The following ATR variants were observed in gnomAD, a reference collection of about 807,000 sequenced individuals.
ATR encodes ATR checkpoint kinase, also known as serine/threonine-protein kinase ATR.
In ATR, 142 loss-of-function variants were observed where a neutral mutation model predicts 305.3. The observed-to-expected ratio is 0.47, with a 90% CI of 0.41 to 0.53. The LOEUF is 0.53. ATR is among the 20% of genes least tolerant of loss of function. The pLI is 0.00. For synonymous variants in ATR, 1,050 were observed against 1,068.1 expected, an observed-to-expected ratio of 0.98 and a Z score of 0.33; for missense variants, 2,135 against 3,133.1, an observed-to-expected ratio of 0.68 and a Z score of 7.60.
intron 30 of ATR, among the ~76,000 whole-genome samples, chr3:142,501,113 T>C (rs1344392179): frequency 6.6e-6 from 1 of 152,172 alleles, no homozygotes; most frequent in Non-Finnish European, 1.5e-5. Context: ...ACATGCCCCA[T>C]CCATAATCAT....
Position 142,550,208 on chromosome 3 carries a change from T to C in ATR, c.2900A>G (p.Gln967Arg), listed in dbSNP as rs1216434682. The C allele has an allele frequency of 6.2e-7, 1 of 1,614,184 alleles. No homozygotes were observed. The highest frequency in any genetic ancestry group is 8.5e-7 in the Non-Finnish European group (1 of 1,180,016). Residue 967 changes from glutamine to arginine, a missense_variant, in exon 14 of 47, where the codon CAG becomes CGG. Gln to Arg is a conservative substitution (Grantham distance 43, BLOSUM62 1). This residue lies in a region of ATR where 530 missense variants were observed against 766.8 expected (regional missense o/e 0.69). Transcript: ENST00000350721. ...CAACGTATTTAAAGCCATTTCTCTC[T>C]GGTGAGCCACATCTTGTTTTCGCAC... Reference protein sequence around the residue: ...ADVRKQDVAHQREMALNTLSE... With the variant: ...ADVRKQDVAHRREMALNTLSE...
Position 142,547,925 on chromosome 3 carries a change from T to A in ATR, c.3172-15A>T, listed in dbSNP as rs141108601. ...TCTGTTTCATTCTAACCCAAAGACA[T>A]GTTAAAAAAAATTTTTTTCTTCATA... On this transcript the variant is annotated splice_polypyrimidine_tract_variant and intron_variant, in intron 15 of 46. Coordinates refer to ENST00000350721, the MANE Select transcript of ATR (RefSeq NM_001184.4). 603 of 1,613,294 alleles carry A rather than the reference T, an allele frequency of 3.7e-4. 3 individuals are homozygous for A. The African/African-American group carries it at 6.9e-3, about 18-fold the overall frequency.
chr3:142,511,578 C>T (rs1202446633), intron 27 of ATR, among the ~76,000 whole-genome samples: 2 of 151,934 alleles, frequency 1.3e-5, no homozygotes, highest in Non-Finnish European at 2.9e-5. Flanking sequence ...ACTGCTTGAA[C>T]CCAGGAGGTA....
intron 16 of ATR, among the ~76,000 whole-genome samples, chr3:142,545,223 T>A (rs2034221052): frequency 6.6e-6 from 1 of 152,086 alleles, no homozygotes; most frequent in Non-Finnish European, 1.5e-5. Context: ...AAATAAGTAG[T>A]AAGTATGTAA....
intron 1 of ATR, among the ~76,000 whole-genome samples, chr3:142,570,683 C>T (rs528974412): frequency 1.5e-4 from 23 of 152,186 alleles, no homozygotes; most frequent in Admixed American, 5.2e-4. Flanking sequence ...CCACCATGCC[C>T]GGCCCCCTCT....
intron 21 of ATR, among the ~76,000 whole-genome samples, chr3:142,525,437 AC>A (rs899211161): frequency 6.6e-6 from 1 of 152,150 alleles, no homozygotes; most frequent in Non-Finnish European, 1.5e-5. Flanking sequence ...TAAAAAAAAA[AC>A]AACTTTGGTG....
At position 142,561,275 on chromosome 3, in the gene ATR, G is replaced by A. The variant is rs2108485079; in HGVS notation, c.1317C>T (p.Asn439=). The A allele has an allele frequency of 6.2e-7, 1 of 1,613,980 alleles. No homozygotes were observed. Among genetic ancestry groups the A allele is most frequent in the Non-Finnish European group, 8.5e-7 (1 of 1,179,938 alleles). ...PKRRRLSSSL[N]PSKRAPKQTE... ...TCTGTTTTGGTGCTCTTTTAGAAGG[G>A]TTTAGAGACGAGCTGAGACGACGCC... is the stretch of plus-strand genomic sequence containing the variant. The change falls in exon 5 of 47, where the codon AAC becomes AAT. Residue 439 remains asparagine (N), a synonymous_variant. Transcript: ENST00000350721.
intron 24 of ATR, 69 bp downstream of exon 24, chr3:142,519,599 CA>C: frequency 6.5e-6 from 9 of 1,377,946 alleles, no homozygotes; most frequent in Admixed American, 1.8e-5. Context: ...TGCACCCGGC[CA>C]AAAAAATCGC....
chr3:142,503,950 C>T (rs2032106550), intron 29 of ATR, among the ~76,000 whole-genome samples: 1 of 152,130 alleles, frequency 6.6e-6, no homozygotes, highest in African/African-American at 2.4e-5. Flanking sequence ...AACATTCAAG[C>T]TCAAAGGTCC....
chr3:142,475,180 GT>G (rs1214993069), intron 36 of ATR, among the ~76,000 whole-genome samples: 1 of 152,178 alleles, frequency 6.6e-6, no homozygotes, highest in East Asian at 1.9e-4. Context: ...CATGTGCCAT[GT>G]TGGTGTGCTG....
rs1374321250 is a variant in ATR, at chr3:142,559,340, C to A, written c.1643G>T (p.Arg548Ile). ...TTTCTGAACAGATTCTAACAAACTTCTACAGCTCTTAAGCACTTTTGTGTA... is the reference window on the plus strand; with the variant it reads ...TTTCTGAACAGATTCTAACAAACTTATACAGCTCTTAAGCACTTTTGTGTA... Reference protein sequence around the residue: ...DFYTKVLKSCRSLLESVQKLD... With the variant: ...DFYTKVLKSCISLLESVQKLD... The change falls in exon 7 of 47, where the codon AGA becomes ATA. Residue 548 changes from arginine to isoleucine, a missense_variant. Arg to Ile is a moderately conservative substitution (Grantham distance 97). Around this residue, in one of 9 missense-constraint regions of ATR, gnomAD observed 744 missense variants for 873.2 expected, o/e 0.85. Coordinates refer to ENST00000350721, the MANE Select transcript of ATR (RefSeq NM_001184.4). 1 of 1,613,962 alleles carries A rather than the reference C, an allele frequency of 6.2e-7. No homozygotes were observed. The highest frequency in any genetic ancestry group is 8.5e-7 in the Non-Finnish European group (1 of 1,179,882).
At chr3:142,496,336 A>ATATATATCTC (rs531114901) in intron 34 of ATR, 25 bp downstream of exon 34, 1 of 522,178 alleles carries the variant, frequency 1.9e-6, no homozygotes, top group Non-Finnish European at 3.1e-6. Flanking sequence ...ATATATATAT[A>ATATATATCTC]TGATGACATT....
intron 5 of ATR, 41 bp downstream of exon 5, chr3:142,561,202 T>C (rs373970772): frequency 7.8e-5 from 124 of 1,592,138 alleles, no homozygotes; most frequent in Non-Finnish European, 9.7e-5. Flanking sequence ...AACAAAGTTT[T>C]ATTTAATGGC....
At chr3:142,456,034 G>A (rs1218922684) in intron 45 of ATR, among the ~76,000 whole-genome samples, 1 of 152,190 alleles carries the variant, frequency 6.6e-6, no homozygotes, top group African/African-American at 2.4e-5. Context: ...CTTGCAACTT[G>A]GCTGGGCGGG....
At chr3:142,455,466 A>G (rs1026427539) in intron 45 of ATR, among the ~76,000 whole-genome samples, 4 of 152,138 alleles carry the variant, frequency 2.6e-5, no homozygotes, top group African/African-American at 4.8e-5. Context: ...ATCTTGGGGG[A>G]AAAAAAGCAA....
At chr3:142,502,735 G>A (rs2032037928) in intron 30 of ATR, among the ~76,000 whole-genome samples, 1 of 152,170 alleles carries the variant, frequency 6.6e-6, no homozygotes. Flanking sequence ...TTACTGCCCA[G>A]AATAGCCATT....
intron 35 of ATR, among the ~76,000 whole-genome samples, chr3:142,492,600 T>C (rs750936095): frequency 2.0e-5 from 3 of 152,244 alleles, no homozygotes; most frequent in Non-Finnish European, 4.4e-5. Flanking sequence ...GGATAGATAC[T>C]TAACTCGTTA....
intron 1 of ATR, among the ~76,000 whole-genome samples, chr3:142,573,453 C>CAAAA (rs1218216880): frequency 7.6e-4 from 35 of 45,920 alleles, no homozygotes; most frequent in South Asian, 8.4e-4. Flanking sequence ...GACTTCATCT[C>CAAAA]AAAAAAAAAA....
intron 15 of ATR, among the ~76,000 whole-genome samples, chr3:142,548,997 T>C (rs984825477): frequency 2.0e-5 from 3 of 152,194 alleles, no homozygotes; most frequent in African/African-American, 7.2e-5. Flanking sequence ...TGTAGTTTCA[T>C]ATTCCTCAGA....
Sources: gnomAD v4.1 joint callset for allele counts (sites outside exome capture counted in the v4.1 genomes callset) on GRCh38, gnomAD v4.1.1 for gene constraint, gnomAD v4.1.1 regional missense constraint, MANE v1.5 for transcripts, NCBI Gene and HGNC (gene_info 2026-07-23, HGNC 2026-07-21) for gene names.